Variants in ACYP2 observed in about 807,000 individuals in gnomAD.
ACYP2 encodes the protein acylphosphatase-2.
In ACYP2, 12 loss-of-function variants were observed where a neutral mutation model predicts 11.2. The ratio of observed to expected loss-of-function variants is 1.08; its 90% CI spans 0.69 to 1.74. The LOEUF is 1.74. Ranked by LOEUF, ACYP2 falls within the 40% of genes most tolerant of loss-of-function variation. The probability of loss-of-function intolerance (pLI) is 0.00; values close to 1 mark genes in which losing one functional copy is unlikely to be tolerated. For missense variants in ACYP2, 134 were observed against 101.9 expected, an observed-to-expected ratio of 1.31 and a Z score of -1.35; for synonymous variants, 43 against 32.2, an observed-to-expected ratio of 1.33 and a Z score of -1.13.
chr2:54,108,780 A>T (rs1018320469), intron 4 of ACYP2, among the ~76,000 whole-genome samples: 1 of 152,158 alleles, frequency 6.6e-6, no homozygotes, highest in African/African-American at 2.4e-5. Flanking sequence ...TTGCCTCCTG[A>T]TGTAATATTA....
chr2:54,268,639 CA>C (rs34122735), intron 6 of ACYP2, among the ~76,000 whole-genome samples: 1,966 of 81,266 alleles, frequency 0.024, 26 homozygotes, highest in African/African-American at 0.079. Flanking sequence ...CAGTCTCTAC[CA>C]AAAAAAAAAA....
At chr2:54,083,862 T>G (rs1253755553) in intron 4 of ACYP2, among the ~76,000 whole-genome samples, 1 of 152,168 alleles carries the variant, frequency 6.6e-6, no homozygotes, top group Non-Finnish European at 1.5e-5. Flanking sequence ...AGGTTTCAGT[T>G]TGGAGTAGTC....
intron 6 of ACYP2, among the ~76,000 whole-genome samples, chr2:54,286,307 G>C (rs946946798): frequency 1.3e-5 from 2 of 152,048 alleles, no homozygotes; most frequent in African/African-American, 2.4e-5. Context: ...AACATTGTGA[G>C]AGAATATCAA....
At chr2:54,195,794 G>GTTTTTGTTT (rs1442057879) in intron 6 of ACYP2, among the ~76,000 whole-genome samples, 147 of 83,126 alleles carry the variant, frequency 1.8e-3, no homozygotes, top group Non-Finnish European at 2.4e-3. Context: ...TTTGTTGTGG[G>GTTTTTGTTT]TTTTTTTTTT....
chr2:54,246,715 A>G (rs1041391102), intron 6 of ACYP2, among the ~76,000 whole-genome samples: 5 of 152,136 alleles, frequency 3.3e-5, no homozygotes, highest in African/African-American at 1.2e-4. Context: ...TGTATTGTCT[A>G]ATATCTAATA....
rs535665807 is a variant in ACYP2, at chr2:53,982,460, G to T, written c.62+8650G>T. Among the ~76,000 whole-genome samples the T allele has an allele frequency of 2.3e-4, 35 of 152,276 alleles. No homozygotes were observed. The East Asian group carries it at 6.6e-3, about 29-fold the overall frequency. On this transcript the variant is annotated intron_variant, in intron 2 of 6. Coordinates refer to ENST00000607452, the MANE Select transcript of ACYP2 (RefSeq NM_001320586.2). Reference sequence around the variant, plus strand: ...TCGTTAGATGAATGACACAGTACCTGTCCTCAAGCAGTTCACTTTCTAGTA... The same window carrying T: ...TCGTTAGATGAATGACACAGTACCTTTCCTCAAGCAGTTCACTTTCTAGTA...
intron 6 of ACYP2, among the ~76,000 whole-genome samples, chr2:54,267,773 C>T (rs1688103895): frequency 6.6e-6 from 1 of 152,184 alleles, no homozygotes; most frequent in Non-Finnish European, 1.5e-5. Context: ...TTTCAAGCAG[C>T]TTCCCTTGGT....
chr2:54,155,693 A>G (rs1323980744), intron 6 of ACYP2, among the ~76,000 whole-genome samples: 3 of 152,154 alleles, frequency 2.0e-5, no homozygotes, highest in Middle Eastern at 3.2e-3. Flanking sequence ...TGGTGCATAG[A>G]GCCATTTATT....
At chr2:54,263,643 T>C (rs922146381) in intron 6 of ACYP2, among the ~76,000 whole-genome samples, 10 of 152,192 alleles carry the variant, frequency 6.6e-5, no homozygotes, top group Non-Finnish European at 1.5e-4. Context: ...CTTTGGGTTG[T>C]CCATTGATAT....
intron 2 of ACYP2, among the ~76,000 whole-genome samples, chr2:53,975,545 T>G (rs1311774163): frequency 1.3e-5 from 2 of 152,120 alleles, no homozygotes; most frequent in African/African-American, 2.4e-5. Flanking sequence ...CACGTTATCC[T>G]TTTGAGGCTG....
At chr2:54,271,254 G>A (rs1350862527) in intron 6 of ACYP2, among the ~76,000 whole-genome samples, 1 of 152,192 alleles carries the variant, frequency 6.6e-6, no homozygotes, top group Non-Finnish European at 1.5e-5. Context: ...TATGGGAGGA[G>A]CCTCAATTCT....
At position 54,066,198 on chromosome 2, in the gene ACYP2, T is replaced by C. The variant is rs543202749; in HGVS notation, c.277+8838T>C. ...GGAAGTGATTGGATCATGGCGGCAG[T>C]TTTCCTCATGCTGTTCCCATGATAG... is the stretch of plus-strand genomic sequence containing the variant. On this transcript the variant is annotated intron_variant, in intron 4 of 6. Transcript: ENST00000607452. Among the ~76,000 whole-genome samples, 49 of 152,260 alleles carry C rather than the reference T, an allele frequency of 3.2e-4. 1 individual carries two copies. In the East Asian group the frequency reaches 8.5e-3, roughly 26 times the overall value.
intron 1 of ACYP2, among the ~76,000 whole-genome samples, chr2:53,971,507 G>A (rs887670269): frequency 6.6e-6 from 1 of 152,222 alleles, no homozygotes; most frequent in Non-Finnish European, 1.5e-5. Flanking sequence ...TCATTCCAAA[G>A]AAGAAAATAG....
chr2:53,994,574 G>A (rs1236334895), intron 2 of ACYP2, among the ~76,000 whole-genome samples: 3 of 150,636 alleles, frequency 2.0e-5, no homozygotes, highest in Non-Finnish European at 4.4e-5. Flanking sequence ...GGTGGACTAT[G>A]AGAGGCAATA....
At chr2:54,121,461 G>A (rs535022357) in intron 4 of ACYP2, among the ~76,000 whole-genome samples, 1 of 152,246 alleles carries the variant, frequency 6.6e-6, no homozygotes, top group Admixed American at 6.5e-5. Flanking sequence ...TGTCTACCGA[G>A]GAATTTGTCT....
chr2:54,078,026 A>G (rs975223580), intron 4 of ACYP2, among the ~76,000 whole-genome samples: 3 of 150,236 alleles, frequency 2.0e-5, no homozygotes, highest in Non-Finnish European at 4.4e-5. Flanking sequence ...CTGGAGTGCA[A>G]TGGCACTGTC....
At chr2:54,127,652 G>A (rs993504823) in intron 4 of ACYP2, among the ~76,000 whole-genome samples, 1 of 151,450 alleles carries the variant, frequency 6.6e-6, no homozygotes, top group African/African-American at 2.4e-5. Flanking sequence ...AGAGGCTGAG[G>A]CCGGAGAATC....
At chr2:54,218,190 T>C (rs1441474225) in intron 6 of ACYP2, among the ~76,000 whole-genome samples, 1 of 152,216 alleles carries the variant, frequency 6.6e-6, no homozygotes, top group Admixed American at 6.5e-5. Flanking sequence ...GTAGAATTAA[T>C]TTGTGTCTTT....
intron 4 of ACYP2, among the ~76,000 whole-genome samples, chr2:54,089,236 T>C (rs1383534289): frequency 1.3e-5 from 2 of 152,208 alleles, no homozygotes; most frequent in African/African-American, 4.8e-5. Context: ...TCAATGAACC[T>C]TGAATAACAA....
Sources: gnomAD v4.1 joint callset for allele counts (sites outside exome capture counted in the v4.1 genomes callset) on GRCh38, gnomAD v4.1.1 for gene constraint, MANE v1.5 for transcripts, NCBI Gene and HGNC (gene_info 2026-07-23, HGNC 2026-07-21) for gene names.